Variants in ERC2 observed in about 807,000 individuals in gnomAD.
ERC2 encodes the protein ERC protein 2.
A neutral mutation model predicts 114.8 loss-of-function variants in ERC2; 42 were observed. That is an observed-to-expected ratio of 0.37 (90% confidence interval 0.29 to 0.47). The LOEUF is 0.47. ERC2 is among the 20% of genes least tolerant of loss of function. ERC2 has a pLI of 0.99. For synonymous variants in ERC2, 454 were observed against 425.5 expected (o/e 1.07, Z -0.82); for missense variants, 939 against 1,150.7 (o/e 0.82, Z 2.66).
At chr3:55,692,503 C>T (rs1307700311) in intron 16 of ERC2, among the ~76,000 whole-genome samples, 1 of 152,148 alleles carries the variant, frequency 6.6e-6, no homozygotes, top group African/African-American at 2.4e-5. Flanking sequence ...TTAAGGAATG[C>T]TCTTATAGGA....
At chr3:55,921,558 G>A (rs145346702) in intron 13 of ERC2, among the ~76,000 whole-genome samples, 2 of 152,086 alleles carry the variant, frequency 1.3e-5, no homozygotes, top group Non-Finnish European at 2.9e-5. Flanking sequence ...TTTAAAAAAT[G>A]AGATGCTGAG....
chr3:55,653,490 A>C (rs184300077), intron 17 of ERC2, among the ~76,000 whole-genome samples: 1 of 152,286 alleles, frequency 6.6e-6, no homozygotes, highest in East Asian at 1.9e-4. Context: ...ATGTGGAAAG[A>C]AGTCCACAAT....
At chr3:56,032,887 G>GAAAGAA (rs1366582563) in intron 7 of ERC2, among the ~76,000 whole-genome samples, 16 of 102,686 alleles carry the variant, frequency 1.6e-4, no homozygotes, top group African/African-American at 5.0e-4. Flanking sequence ...AAGAAAGAAA[G>GAAAGAA]AGAGAGAGAG....
chr3:56,374,157 C>T (rs1255560909), intron 2 of ERC2, among the ~76,000 whole-genome samples: 2 of 152,112 alleles, frequency 1.3e-5, no homozygotes, highest in African/African-American at 2.4e-5. Flanking sequence ...AGTGCAGAGG[C>T]GAGATCTCAG....
chr3:55,754,631 G>C lies in ERC2; in HGVS notation c.2565-19713C>G, dbSNP rs994968094. On this transcript the variant is annotated intron_variant, in intron 14 of 17. Transcript: ENST00000288221. ...AAAAAAAAAAATTTAAATCTCACAA[G>C]AGTAATAGAAAAATATCAATGAACT... Among the ~76,000 whole-genome samples, 15 of 147,040 alleles carry C rather than the reference G, an allele frequency of 1.0e-4. No individual in the cohort carries two copies. The Admixed American group carries it at 1.0e-3, about 10-fold the overall frequency.
chr3:55,705,480 C>G (rs555942197), intron 15 of ERC2, among the ~76,000 whole-genome samples: 1 of 152,280 alleles, frequency 6.6e-6, no homozygotes, highest in African/African-American at 2.4e-5. Context: ...AATTCACCAC[C>G]TTATTTTTCA....
At chr3:56,363,722 G>A (rs2059045483) in intron 2 of ERC2, among the ~76,000 whole-genome samples, 1 of 150,078 alleles carries the variant, frequency 6.7e-6, no homozygotes, top group Admixed American at 6.7e-5. Flanking sequence ...CCATGCTTTA[G>A]TCTATATACC....
intron 2 of ERC2, among the ~76,000 whole-genome samples, chr3:56,334,328 G>A (rs2057759286): frequency 6.6e-6 from 1 of 152,200 alleles, no homozygotes; most frequent in Non-Finnish European, 1.5e-5. Flanking sequence ...TAGGCCATAG[G>A]CCAAGAGAAT....
chr3:55,581,678 A>G (rs1037428181), intron 17 of ERC2, among the ~76,000 whole-genome samples: 3 of 152,186 alleles, frequency 2.0e-5, no homozygotes, highest in Admixed American at 6.5e-5. Context: ...AATGATATGC[A>G]ACGTTTCAAA....
chr3:56,169,413 T>C (rs781504059), intron 4 of ERC2, among the ~76,000 whole-genome samples: 1 of 152,234 alleles, frequency 6.6e-6, no homozygotes, highest in Non-Finnish European at 1.5e-5. Flanking sequence ...TTATGTGTCA[T>C]CTCAGTAATT....
intron 2 of ERC2, among the ~76,000 whole-genome samples, chr3:56,309,767 C>G (rs2056433310): frequency 6.6e-6 from 1 of 152,198 alleles, no homozygotes; most frequent in South Asian, 2.1e-4. Flanking sequence ...AAGCACAGGG[C>G]TTGGCACATA....
intron 17 of ERC2, among the ~76,000 whole-genome samples, chr3:55,604,153 G>A (rs1178659096): frequency 6.6e-6 from 1 of 152,040 alleles, no homozygotes; most frequent in East Asian, 1.9e-4. Flanking sequence ...GAGGGCATTT[G>A]GATTTGCAGA....
chr3:55,856,380 G>T (rs937487602), intron 14 of ERC2, among the ~76,000 whole-genome samples: 1 of 152,170 alleles, frequency 6.6e-6, no homozygotes, highest in Non-Finnish European at 1.5e-5. Context: ...GTCCAATGCA[G>T]AACAGAACAC....
intron 2 of ERC2, among the ~76,000 whole-genome samples, chr3:56,413,601 G>A (rs1444170722): frequency 1.3e-5 from 2 of 152,172 alleles, no homozygotes; most frequent in Non-Finnish European, 2.9e-5. Flanking sequence ...ACACTGGGGA[G>A]AGGAAAAAGA....
At chr3:56,215,509 T>A (rs1401434106) in intron 3 of ERC2, among the ~76,000 whole-genome samples, 2 of 152,210 alleles carry the variant, frequency 1.3e-5, no homozygotes, top group African/African-American at 2.4e-5. Context: ...CTTAGAGACC[T>A]ACAAAGAGAC....
chr3:55,723,902 G>A (rs2064741890), intron 15 of ERC2, among the ~76,000 whole-genome samples: 1 of 152,116 alleles, frequency 6.6e-6, no homozygotes, highest in Non-Finnish European at 1.5e-5. Context: ...GAGGACACAA[G>A]GGCAGGAAGT....
intron 2 of ERC2, among the ~76,000 whole-genome samples, chr3:56,399,657 A>G (rs1163497327): frequency 6.7e-6 from 1 of 149,566 alleles, no homozygotes; most frequent in Non-Finnish European, 1.5e-5. Context: ...AGAAATCAAG[A>G]ACCTTAGTTC....
chr3:56,282,561 C>G (rs1307433385), intron 3 of ERC2, among the ~76,000 whole-genome samples: 1 of 151,804 alleles, frequency 6.6e-6, no homozygotes, highest in African/African-American at 2.4e-5. Flanking sequence ...ACTTAACTGC[C>G]CTGATTAGGT....
intron 3 of ERC2, among the ~76,000 whole-genome samples, chr3:56,212,673 T>C (rs1412070657): frequency 6.6e-6 from 1 of 152,148 alleles, no homozygotes. Context: ...GCGGCACAAT[T>C]TGCAATTGCA....
Sources: gnomAD v4.1 joint callset for allele counts (sites outside exome capture counted in the v4.1 genomes callset) on GRCh38, gnomAD v4.1.1 for gene constraint, MANE v1.5 for transcripts, NCBI Gene and HGNC (gene_info 2026-07-23, HGNC 2026-07-21) for gene names.